The following NEDD9 variants were observed in gnomAD, a reference collection of about 807,000 sequenced individuals.
The protein encoded by NEDD9 is enhancer of filamentation 1.
Under a neutral mutation model 76.6 loss-of-function variants are expected in NEDD9, and 26 were observed. The observed-to-expected ratio is 0.34, with a 90% CI of 0.25 to 0.47. The LOEUF (loss-of-function observed/expected upper bound fraction) is 0.47. Among genes scored for constraint, NEDD9 ranks in the 20% least tolerant of loss-of-function variants. The probability of loss-of-function intolerance (pLI) is 1.00; values close to 1 mark genes in which losing one functional copy is unlikely to be tolerated. For synonymous variants in NEDD9, 392 were observed against 414.2 expected, an observed-to-expected ratio of 0.95 and a Z score of 0.65; for missense variants, 937 against 1,058.5, an observed-to-expected ratio of 0.89 and a Z score of 1.59.
At chr6:11,199,014 T>C (rs1350613320) in intron 2 of NEDD9, 1 of 152,258 alleles carries the variant, frequency 6.6e-6, no homozygotes, top group East Asian at 1.9e-4. Flanking sequence ...CAAGGAGGGC[T>C]GCTGGATGGT....
intron 1 of NEDD9, chr6:11,214,242 C>T (rs770824767): frequency 3.9e-6 from 2 of 512,752 alleles, no homozygotes. Context: ...CATATATATG[C>T]CTTGGCAGGG....
intron 1 of NEDD9, among the ~76,000 whole-genome samples, chr6:11,353,623 C>T (rs1238260007): frequency 6.6e-6 from 1 of 152,230 alleles, no homozygotes; most frequent in East Asian, 1.9e-4. Flanking sequence ...TACTTTGTAA[C>T]AGCAGCTCTG....
At chr6:11,357,496 A>G (rs1376293173) in intron 1 of NEDD9, among the ~76,000 whole-genome samples, 1 of 152,230 alleles carries the variant, frequency 6.6e-6, no homozygotes, top group Non-Finnish European at 1.5e-5. Context: ...GCCACTGACC[A>G]TTATTAACCT....
chr6:11,354,539 C>T (rs1461170340), intron 1 of NEDD9, among the ~76,000 whole-genome samples: 2 of 152,194 alleles, frequency 1.3e-5, no homozygotes, highest in African/African-American at 4.8e-5. Flanking sequence ...AGACATGGAG[C>T]TGCATGCTGT....
At chr6:11,374,114 TTGTC>T (rs1233805150) in intron 1 of NEDD9, among the ~76,000 whole-genome samples, 2 of 152,186 alleles carry the variant, frequency 1.3e-5, no homozygotes, top group Non-Finnish European at 1.5e-5. Flanking sequence ...TTGGTTCTGT[TTGTC>T]TGGAGAACCC....
At chr6:11,279,517 G>C (rs867299385) in intron 3 of NEDD9, among the ~76,000 whole-genome samples, 21 of 152,310 alleles carry the variant, frequency 1.4e-4, no homozygotes, top group African/African-American at 5.0e-4. Context: ...GTTATTGTTG[G>C]TTGTTCTTTT....
intron 1 of NEDD9, among the ~76,000 whole-genome samples, chr6:11,365,086 T>C (rs951911149): frequency 1.3e-5 from 2 of 152,104 alleles, no homozygotes; most frequent in African/African-American, 4.8e-5. Flanking sequence ...GGCGACTATG[T>C]TTTCTGCCAC....
intron 1 of NEDD9, among the ~76,000 whole-genome samples, chr6:11,377,505 A>G (rs967291460): frequency 2.0e-5 from 3 of 152,184 alleles, no homozygotes; most frequent in Non-Finnish European, 4.4e-5. Context: ...TAGGTTTCAG[A>G]TTTGTGTGGG....
At chr6:11,375,104 C>T (rs1410410186) in intron 1 of NEDD9, among the ~76,000 whole-genome samples, 2 of 152,146 alleles carry the variant, frequency 1.3e-5, no homozygotes, top group Non-Finnish European at 2.9e-5. Context: ...TCTTGAAATC[C>T]TAACTCTGAA....
chr6:11,239,692 T>A (rs1180193229), intron 3 of NEDD9, among the ~76,000 whole-genome samples: 1 of 152,154 alleles, frequency 6.6e-6, no homozygotes, highest in Non-Finnish European at 1.5e-5. Context: ...AACTACCTCG[T>A]TAGCAACAGT....
rs753730421 is a variant in NEDD9, at chr6:11,193,566, CT to C, written c.561+24del. Reference sequence around the variant, plus strand: ...TGCTACCCTTAGAAGCGCTTCTCCTCTTGTGACCATGTTCTGGTACGCACCC... The same window carrying C: ...TGCTACCCTTAGAAGCGCTTCTCCTCTGTGACCATGTTCTGGTACGCACCC... On this transcript the variant is annotated intron_variant, in intron 3 of 6. Transcript: ENST00000379446. 3 of 1,575,444 alleles carry C rather than the reference CT, an allele frequency of 1.9e-6. No individual in the cohort carries two copies. In the South Asian group the frequency reaches 3.3e-5, roughly 18 times the overall value.
At chr6:11,202,773 G>GT (rs1296745430) in intron 2 of NEDD9, among the ~76,000 whole-genome samples, 1 of 152,162 alleles carries the variant, frequency 6.6e-6, no homozygotes, top group Admixed American at 6.5e-5. Context: ...TGCTCATGAA[G>GT]TTTTTTCCCC....
intron 1 of NEDD9, among the ~76,000 whole-genome samples, chr6:11,371,027 C>T (rs1466297255): frequency 1.3e-5 from 2 of 152,162 alleles, no homozygotes; most frequent in African/African-American, 4.8e-5. Context: ...GGCAGAGGGA[C>T]TGTCAGTGCA....
At chr6:11,340,965 G>A (rs868081904) in intron 1 of NEDD9, among the ~76,000 whole-genome samples, 27 of 151,992 alleles carry the variant, frequency 1.8e-4, no homozygotes, top group South Asian at 8.3e-4. Flanking sequence ...CTTAGCTCTC[G>A]TGCTCAGCCA....
chr6:11,308,939 T>A (rs928388901), intron 2 of NEDD9, among the ~76,000 whole-genome samples: 5 of 152,218 alleles, frequency 3.3e-5, no homozygotes, highest in African/African-American at 1.2e-4. Flanking sequence ...TTGCAGATTT[T>A]TATTTGTATA....
intron 1 of NEDD9, among the ~76,000 whole-genome samples, chr6:11,361,636 G>A (rs1762681130): frequency 6.6e-6 from 1 of 152,096 alleles, no homozygotes. Flanking sequence ...TTTGGGTGGG[G>A]ACAAAAACCT....
chr6:11,264,441 A>G (rs908260785), intron 3 of NEDD9, among the ~76,000 whole-genome samples: 4 of 152,148 alleles, frequency 2.6e-5, no homozygotes, highest in Non-Finnish European at 5.9e-5. Flanking sequence ...AGGGGTCCCC[A>G]AGAATTCAAT....
chr6:11,284,284 A>G (rs1024810868), intron 3 of NEDD9, among the ~76,000 whole-genome samples: 1 of 151,556 alleles, frequency 6.6e-6, no homozygotes, highest in African/African-American at 2.4e-5. Context: ...GCGCAGTGTC[A>G]GTGGCTCACG....
intron 1 of NEDD9, among the ~76,000 whole-genome samples, chr6:11,336,176 G>A (rs1369459043): frequency 6.6e-6 from 1 of 152,172 alleles, no homozygotes. Context: ...TGGAGTTAAC[G>A]GTTTTCTTTC....
Sources: allele counts gnomAD v4.1 joint callset (sites outside exome capture counted in the v4.1 genomes callset), GRCh38; gene constraint gnomAD v4.1.1; transcripts MANE v1.5; gene names NCBI Gene and HGNC (gene_info 2026-07-23, HGNC 2026-07-21).